Variants in BEND3 observed in about 807,000 individuals in gnomAD.
BEND3 encodes the protein BEN domain-containing protein 3.
BEND3 carries 13 observed loss-of-function variants against 60.1 expected under a neutral mutation model. The ratio of observed to expected loss-of-function variants is 0.22; its 90% CI spans 0.14 to 0.34. BEND3 has a LOEUF of 0.34. Among genes scored for constraint, BEND3 ranks in the 10% least tolerant of loss-of-function variants. BEND3 has a pLI of 1.00. For missense variants in BEND3, 896 were observed against 1,138.1 expected (o/e 0.79, Z 3.06); for synonymous variants, 497 against 491.5 (o/e 1.01, Z -0.15).
At chr6:107,083,318 T>G (rs557092863) in intron 3 of BEND3, among the ~76,000 whole-genome samples, 26 of 152,190 alleles carry the variant, frequency 1.7e-4, no homozygotes, top group South Asian at 4.1e-4. Flanking sequence ...TTTCTAATTA[T>G]TCGTTTATTA....
rs782610298 is a variant in BEND3 at position 107,099,234 on chromosome 6, G to T, written c.37+15C>A. 6.4e-6 allele frequency: 10 copies of T among 1,567,360 alleles called. No homozygotes were observed. In the Admixed American group the frequency reaches 1.0e-4, roughly 16 times the overall value. On this transcript the variant is annotated intron_variant, in intron 2 of 3. Transcript: ENST00000369042. ...CAGTTAAAAACATTTTTCAAAAAGG[G>T]CATTTTTTTTTTACCTTCTTCTACA...
intron 1 of BEND3, among the ~76,000 whole-genome samples, chr6:107,113,620 C>T (rs1011212613): frequency 5.9e-5 from 9 of 152,004 alleles, no homozygotes; most frequent in African/African-American, 2.2e-4. Flanking sequence ...TGAACGCCTA[C>T]TAAGTTATGA....
chr6:107,110,833 G>T (rs1554238297), intron 1 of BEND3, among the ~76,000 whole-genome samples: 2 of 151,866 alleles, frequency 1.3e-5, no homozygotes, highest in Non-Finnish European at 1.5e-5. Flanking sequence ...GGGACTACAG[G>T]TGTGAGCCAC....
chr6:107,108,869 G>A (rs782270576), intron 1 of BEND3, among the ~76,000 whole-genome samples: 39 of 152,078 alleles, frequency 2.6e-4, no homozygotes, highest in Admixed American at 1.7e-3. Context: ...GCAGTGGTGC[G>A]ACCTCGGCTC....
rs1351332690 is a variant in BEND3, at chr6:107,065,908, G to A, written c.*2796C>T. On this transcript the variant is annotated 3_prime_UTR_variant, in exon 4 of 4. Coordinates refer to ENST00000369042, the MANE Select transcript of BEND3 (RefSeq NM_001367314.1). ...CTTTATTCCCTGTCAAACATTTGTT[G>A]TCCTGTAGACACAGCCAAGGTGAAC... 2 of 152,342 alleles carry A rather than the reference G, an allele frequency of 1.3e-5. No homozygotes were observed. Among genetic ancestry groups the A allele is most frequent in the African/African-American group, 2.4e-5 (1 of 41,424 alleles). 9.4% of individuals were successfully genotyped at this position (152,342 alleles called of 1,614,324 possible).
At chr6:107,080,867 G>A (rs1210580522) in intron 3 of BEND3, among the ~76,000 whole-genome samples, 1 of 151,754 alleles carries the variant, frequency 6.6e-6, no homozygotes, top group Non-Finnish European at 1.5e-5. Context: ...CTGGGTGACA[G>A]AGAGAGATTC....
At chr6:107,072,196 G>A (rs1198140355) in intron 3 of BEND3, among the ~76,000 whole-genome samples, 6 of 152,310 alleles carry the variant, frequency 3.9e-5, no homozygotes, top group African/African-American at 9.6e-5. Context: ...ACTGGGAATG[G>A]ACAAGAACAA....
intron 3 of BEND3, among the ~76,000 whole-genome samples, chr6:107,072,465 G>C (rs1775003143): frequency 6.6e-6 from 1 of 152,164 alleles, no homozygotes; most frequent in South Asian, 2.1e-4. Context: ...AGGGTTATTT[G>C]AAAGTTTTCA....
In BEND3 at chr6:107,069,985, G is replaced by C. The variant is rs148664657; in HGVS notation, c.1206C>G (p.Asp402Glu). The change falls in exon 4 of 4, where the codon GAC (aspartate) becomes GAG (glutamate). Residue 402 changes from aspartate to glutamate, a missense_variant. By Grantham distance (45) the Asp-to-Glu change is conservative. This residue lies in a region of BEND3 where 846 missense variants were observed against 1,036.7 expected (regional missense o/e 0.82). Transcript: ENST00000369042. ...CAAACTCGCCTGGTGAGGAGGCTTC[G>C]TCCAGGAACTCAGTGAGGTCCTGCG... The part of the protein sequence containing the change: ...VDTQDLTEFL[D>E]EASSPGEFAV... The C allele has an allele frequency of 1.1e-5, 17 of 1,613,812 alleles. No homozygotes were observed. Among genetic ancestry groups the C allele is most frequent in the East Asian group, 2.2e-5 (1 of 44,878 alleles).
intron 3 of BEND3, among the ~76,000 whole-genome samples, chr6:107,085,084 C>A (rs376346283): frequency 7.9e-5 from 12 of 152,142 alleles, no homozygotes; most frequent in African/African-American, 2.9e-4. Flanking sequence ...GACCACGAAC[C>A]CACTGGGAGG....
intron 3 of BEND3, among the ~76,000 whole-genome samples, chr6:107,083,234 C>T (rs1212454284): frequency 1.3e-5 from 2 of 152,218 alleles, no homozygotes; most frequent in South Asian, 2.1e-4. Context: ...GCCATCCAGG[C>T]GTGAAACTTT....
intron 3 of BEND3, among the ~76,000 whole-genome samples, chr6:107,085,616 T>G (rs1387458898): frequency 6.9e-6 from 1 of 145,206 alleles, no homozygotes; most frequent in Non-Finnish European, 1.5e-5. Context: ...CTCAGCCTCC[T>G]GAGTAGCTGG....
rs1385050885 is a variant in BEND3 at position 107,115,078 on chromosome 6, C to T, written c.-12+12G>A. Reference sequence around the variant, plus strand: ...GCCGCCGCGCGGCCGGCTTGATCCGCCCCGCACTTACCTGGGACGCGAGTT... The same window carrying T: ...GCCGCCGCGCGGCCGGCTTGATCCGTCCCGCACTTACCTGGGACGCGAGTT... On this transcript the variant is annotated intron_variant, in intron 1 of 3. Transcript: ENST00000369042. 3 of 149,864 alleles carry T rather than the reference C, an allele frequency of 2.0e-5. No individual in the cohort carries two copies. The highest frequency in any genetic ancestry group is 7.3e-5 in the African/African-American group (3 of 41,160). The allele number at this position is 149,864 out of a possible 1,614,324, so 9.3% of individuals were successfully genotyped here.
intron 3 of BEND3, among the ~76,000 whole-genome samples, chr6:107,085,383 T>C (rs1775322486): frequency 6.6e-6 from 1 of 152,214 alleles, no homozygotes; most frequent in African/African-American, 2.4e-5. Flanking sequence ...CAGCGAATAT[T>C]AGAGAAAAAT....
intron 1 of BEND3, among the ~76,000 whole-genome samples, chr6:107,107,182 C>T (rs1554237646): frequency 6.6e-6 from 1 of 152,100 alleles, no homozygotes; most frequent in Admixed American, 6.5e-5. Context: ...GCTGATCCAC[C>T]CGCCTCGGCC....
chr6:107,090,460 G>A (rs1213266468), intron 3 of BEND3, among the ~76,000 whole-genome samples: 6 of 152,172 alleles, frequency 3.9e-5, no homozygotes, highest in African/African-American at 1.4e-4. Context: ...AAGAAAGAAA[G>A]TGCATCAGGG....
intron 3 of BEND3, among the ~76,000 whole-genome samples, chr6:107,073,973 A>C (rs981240126): frequency 7.9e-5 from 12 of 152,248 alleles, no homozygotes; most frequent in African/African-American, 2.4e-5. Context: ...ACTCAGCTCA[A>C]TCAGCAAGCA....
At chr6:107,097,332 A>T (rs1308613213) in intron 3 of BEND3, among the ~76,000 whole-genome samples, 1 of 151,588 alleles carries the variant, frequency 6.6e-6, no homozygotes, top group African/African-American at 2.4e-5. Context: ...GCGCCATTGC[A>T]CTCCAGCCTG....
At position 107,066,957 on chromosome 6, in the gene BEND3, G is replaced by GTAGC. The variant is rs1189139045; in HGVS notation, c.*1743_*1746dup. On this transcript the variant is annotated 3_prime_UTR_variant, in exon 4 of 4. Transcript: ENST00000369042. The stretch of plus-strand genomic sequence containing the variant: ...TAGTAAGCAGTGCGTGTGTGCATGA[G>GTAGC]TAGCTGTGTAAGACAGAGAGTCATT... The GTAGC allele has an allele frequency of 6.6e-6, 1 of 152,162 alleles. No individual in the cohort carries two copies. The highest frequency in any genetic ancestry group is 1.5e-5 in the Non-Finnish European group (1 of 68,022). 9.4% of individuals were successfully genotyped at this position (152,162 alleles called of 1,614,324 possible). A position where few individuals can be genotyped will look rare whatever the true frequency, so the allele number is the denominator to read the frequency against.
Sources: gnomAD v4.1 joint callset for allele counts (sites outside exome capture counted in the v4.1 genomes callset) on GRCh38, gnomAD v4.1.1 for gene constraint, gnomAD v4.1.1 regional missense constraint, MANE v1.5 for transcripts, NCBI Gene and HGNC (gene_info 2026-07-23, HGNC 2026-07-21) for gene names.